CLNK: variants seen among roughly 807,000 people sequenced by gnomAD.
CLNK encodes the protein cytokine-dependent hematopoietic cell linker.
Under a neutral mutation model 68.6 loss-of-function variants are expected in CLNK, and 74 were observed. That is an observed-to-expected ratio of 1.08 (90% confidence interval 0.89 to 1.31). CLNK has a LOEUF of 1.31. Among genes scored for constraint, CLNK ranks in the 50% most tolerant of loss-of-function variants. The pLI is 0.00. For synonymous variants in CLNK, 198 were observed against 172.2 expected (o/e 1.15, Z -1.17); for missense variants, 553 against 515.3 (o/e 1.07, Z -0.71).
intron 2 of CLNK, among the ~76,000 whole-genome samples, chr4:10,630,489 GC>G: frequency 6.6e-6 from 1 of 152,126 alleles, no homozygotes; most frequent in South Asian, 2.1e-4. Flanking sequence ...CAAACTCTGG[GC>G]TATGTGTTGT....
chr4:10,657,511 C>T (rs1033984960), intron 2 of CLNK, among the ~76,000 whole-genome samples: 6 of 152,060 alleles, frequency 3.9e-5, no homozygotes, highest in African/African-American at 1.2e-4. Flanking sequence ...AAAATGAAAC[C>T]TTGACAAAGA....
rs1370749856 is a variant in CLNK at position 10,489,066 on chromosome 4, T to G, written c.*1401A>C. ...TTGTTTCTATCTTTCTCTCTCTCTC[T>G]CTCTTTTTTTTTAAATTAGCTTTTC... On this transcript the variant is annotated 3_prime_UTR_variant, in exon 19 of 19. Coordinates refer to ENST00000226951, the MANE Select transcript of CLNK (RefSeq NM_052964.4). 2 of 151,896 alleles carry G rather than the reference T, an allele frequency of 1.3e-5. No homozygotes were observed. Among genetic ancestry groups the G allele is most frequent in the Admixed American group, 1.3e-4 (2 of 15,238 alleles). 9.4% of individuals were successfully genotyped at this position (151,896 alleles called of 1,614,324 possible). A position where few individuals can be genotyped will look rare whatever the true frequency, so the allele number is the denominator to read the frequency against.
intron 2 of CLNK, chr4:10,656,684 C>T (rs1724002959): frequency 6.6e-6 from 1 of 152,104 alleles, no homozygotes; most frequent in Non-Finnish European, 1.5e-5. Flanking sequence ...CGCTGAGTCT[C>T]AGAAATTTCA....
intron 2 of CLNK, among the ~76,000 whole-genome samples, chr4:10,604,435 C>T (rs1020167811): frequency 2.0e-5 from 3 of 152,088 alleles, no homozygotes; most frequent in South Asian, 2.1e-4. Flanking sequence ...TCTTCTAAGC[C>T]GAGGAGATTT....
intron 7 of CLNK, 86 bp from the exon 8 acceptor site, chr4:10,558,538 C>T: frequency 4.5e-6 from 6 of 1,322,824 alleles, no homozygotes; most frequent in Non-Finnish European, 5.4e-6. Flanking sequence ...GGTTAGGTTC[C>T]CAAGGATAAA....
At chr4:10,569,544 A>C (rs1225394196) in intron 5 of CLNK, among the ~76,000 whole-genome samples, 1 of 152,182 alleles carries the variant, frequency 6.6e-6, no homozygotes, top group African/African-American at 2.4e-5. Context: ...TGAGCCATCC[A>C]GTTTATGGCA....
the CLNK span, among the ~76,000 whole-genome samples, chr4:10,718,484 C>A: frequency 3.0e-5 from 4 of 133,196 alleles, no homozygotes; most frequent in South Asian, 4.4e-4. Context: ...AAAAGTGGCA[C>A]AATATTTTTT....
intron 4 of CLNK, among the ~76,000 whole-genome samples, chr4:10,574,013 C>T (rs186156390): frequency 7.2e-5 from 11 of 152,296 alleles, no homozygotes; most frequent in South Asian, 2.1e-4. Context: ...CATTTAAATA[C>T]GAATAGGCAG....
chr4:10,564,507 A>T (rs745670101), intron 7 of CLNK, among the ~76,000 whole-genome samples, 164 bp downstream of exon 7: 1 of 152,140 alleles, frequency 6.6e-6, no homozygotes, highest in African/African-American at 2.4e-5. Context: ...CAGTCATAAG[A>T]GTCACCTCCT....
the CLNK span, among the ~76,000 whole-genome samples, chr4:10,717,630 C>G: frequency 3.8e-3 from 585 of 152,184 alleles, 7 homozygotes; most frequent in African/African-American, 0.014. Flanking sequence ...CACTCCCACC[C>G]CACTGGTAAA....
chr4:10,607,395 G>C (rs181691990), intron 2 of CLNK, among the ~76,000 whole-genome samples: 210 of 152,308 alleles, frequency 1.4e-3, no homozygotes, highest in African/African-American at 5.0e-3. Flanking sequence ...TCTCTCTCCT[G>C]ATCTGGGTTG....
At chr4:10,689,335 A>C (rs1443123310), upstream of CLNK, among the ~76,000 whole-genome samples, 2 of 152,016 alleles carry the variant, frequency 1.3e-5, no homozygotes, top group Non-Finnish European at 2.9e-5. Flanking sequence ...GGATCTCCCT[A>C]TGTTGACTAG....
At chr4:10,637,726 C>A (rs1243940274) in intron 2 of CLNK, among the ~76,000 whole-genome samples, 2 of 150,670 alleles carry the variant, frequency 1.3e-5, no homozygotes, top group African/African-American at 4.9e-5. Context: ...TCCCGAGTAG[C>A]TGGGACTACA....
intron 3 of CLNK, among the ~76,000 whole-genome samples, chr4:10,594,227 C>T (rs1331856856): frequency 1.3e-5 from 2 of 152,218 alleles, no homozygotes; most frequent in East Asian, 1.9e-4. Flanking sequence ...AGAGGTCAGA[C>T]ATTTCCCCAG....
the CLNK span, among the ~76,000 whole-genome samples, chr4:10,727,049 C>T: frequency 0.43 from 65,446 of 151,964 alleles, 14,883 homozygotes; most frequent in East Asian, 0.69. Flanking sequence ...CCAGGCATTC[C>T]TTTATGTAGT....
chr4:10,655,795 AC>A (rs1308366183), intron 2 of CLNK, among the ~76,000 whole-genome samples: 1 of 151,548 alleles, frequency 6.6e-6, no homozygotes, highest in African/African-American at 2.4e-5. Flanking sequence ...GACTACAGGC[AC>A]CCACCACCAC....
intron 3 of CLNK, among the ~76,000 whole-genome samples, chr4:10,595,230 C>G (rs370222925): frequency 6.6e-6 from 1 of 152,128 alleles, no homozygotes; most frequent in East Asian, 1.9e-4. Context: ...GACTATTTTT[C>G]CCTATCTGTA....
At chr4:10,733,100 A>C in the CLNK span, among the ~76,000 whole-genome samples, 1 of 152,250 alleles carries the variant, frequency 6.6e-6, no homozygotes, top group East Asian at 1.9e-4. Flanking sequence ...TATAGCTGTC[A>C]ATTATGGCAT....
intron 4 of CLNK, among the ~76,000 whole-genome samples, chr4:10,584,285 A>G (rs1720893890): frequency 6.6e-6 from 1 of 152,100 alleles, no homozygotes; most frequent in Non-Finnish European, 1.5e-5. Context: ...ATAACTCCTT[A>G]TGACTCCATC....
Sources: gnomAD v4.1 joint callset for allele counts (sites outside exome capture counted in the v4.1 genomes callset) on GRCh38, gnomAD v4.1.1 for gene constraint, MANE v1.5 for transcripts, NCBI Gene and HGNC (gene_info 2026-07-23, HGNC 2026-07-21) for gene names.